DOCK9: variants seen among roughly 807,000 people sequenced by gnomAD.
The protein encoded by DOCK9 is dedicator of cytokinesis 9.
DOCK9 carries 89 observed loss-of-function variants against 263.3 expected under a neutral mutation model. The ratio of observed to expected loss-of-function variants is 0.34; its 90% CI spans 0.28 to 0.40. DOCK9 has a LOEUF of 0.40. DOCK9 is among the 10% of genes least tolerant of loss of function. The pLI, the probability that DOCK9 is intolerant of heterozygous loss-of-function variation, is 1.00. For missense variants in DOCK9, 2,140 were observed against 2,603.4 expected (o/e 0.82, Z 3.87); for synonymous variants, 976 against 973.1 (o/e 1.00, Z -0.06).
intron 2 of DOCK9, among the ~76,000 whole-genome samples, chr13:98,932,534 A>G (rs193302208): frequency 1.3e-5 from 2 of 152,366 alleles, no homozygotes; most frequent in East Asian, 3.9e-4. Flanking sequence ...CTGGGATCTC[A>G]CAGCATTGGT....
intron 1 of DOCK9, among the ~76,000 whole-genome samples, chr13:99,016,936 T>C (rs1308006317): frequency 6.6e-6 from 1 of 152,194 alleles, no homozygotes; most frequent in Non-Finnish European, 1.5e-5. Flanking sequence ...AGTAAAATCA[T>C]ACCTGTAGGG....
chr13:99,052,767 CTTT>C (rs538480665), intron 1 of DOCK9, among the ~76,000 whole-genome samples: 1 of 139,356 alleles, frequency 7.2e-6, no homozygotes. Context: ...CACCAGCCTT[CTTT>C]TTTTTTTTTT....
chr13:98,963,180 G>A (rs906047414), intron 1 of DOCK9, among the ~76,000 whole-genome samples: 3 of 152,236 alleles, frequency 2.0e-5, no homozygotes, highest in Non-Finnish European at 4.4e-5. Context: ...CCTCCCATGG[G>A]GGCCAGAAAG....
At chr13:98,971,737 G>A (rs1487082623) in intron 1 of DOCK9, among the ~76,000 whole-genome samples, 1 of 152,046 alleles carries the variant, frequency 6.6e-6, no homozygotes, top group Non-Finnish European at 1.5e-5. Context: ...GAGGAAAACG[G>A]GATGCCTGCA....
In DOCK9 at chr13:99,000,079, T is replaced by C. The variant is rs150930869; in HGVS notation, c.130-44528A>G. On this transcript the variant is annotated intron_variant, in intron 1 of 32. Coordinates refer to the DOCK9 transcript ENST00000427887. The stretch of plus-strand genomic sequence containing the variant: ...GCTCTGCCTGCCTTAATACTCAACC[T>C]ACCTGACCCCCTAAATCAGTTTGGT... Among the ~76,000 whole-genome samples the C allele has an allele frequency of 3.3e-5, 5 of 152,342 alleles. No homozygotes were observed. In the East Asian group the frequency reaches 7.7e-4, roughly 24 times the overall value.
At chr13:99,021,818 GGGGGACAA>G (rs946850104) in intron 1 of DOCK9, among the ~76,000 whole-genome samples, 11 of 152,154 alleles carry the variant, frequency 7.2e-5, no homozygotes, top group African/African-American at 2.4e-4. Flanking sequence ...GTCAAGGGGT[GGGGGACAA>G]GGGGAGTGAG....
rs147860282 is a variant in DOCK9, at chr13:98,907,534, T to G, written c.961-2828A>C. The stretch of plus-strand genomic sequence containing the variant: ...TACTAGCCAAAATAGACACAAAGCA[T>G]TCTGATTTTGTCACTAACACCCAAC... On this transcript the variant is annotated intron_variant, in intron 9 of 52. Transcript: ENST00000682017. Among the ~76,000 whole-genome samples the G allele has an allele frequency of 4.6e-3, 699 of 152,338 alleles. 2 individuals are homozygous for G. The highest frequency in any genetic ancestry group is 7.7e-3 in the Non-Finnish European group (522 of 68,034).
chr13:98,911,874 CT>C (rs368270696), intron 9 of DOCK9, among the ~76,000 whole-genome samples: 30 of 142,122 alleles, frequency 2.1e-4, no homozygotes, highest in African/African-American at 2.4e-4. Flanking sequence ...TAAAAAAACA[CT>C]TTTTTTTTTT....
chr13:98,877,623 A>T (rs2142479568), intron 27 of DOCK9, among the ~76,000 whole-genome samples: 1 of 152,194 alleles, frequency 6.6e-6, no homozygotes, highest in Middle Eastern at 3.4e-3. Context: ...AACCCACTGC[A>T]ACTGATGCCT....
In DOCK9 at chr13:98,831,253, G is replaced by A. The variant is rs2092750946; in HGVS notation, c.4635+95C>T. The A allele has an allele frequency of 3.7e-6, 5 of 1,340,632 alleles. No homozygotes were observed. The East Asian group carries it at 1.3e-4, about 34-fold the overall frequency. 83.0% of individuals were successfully genotyped at this position (1,340,632 alleles called of 1,614,324 possible). A position where few individuals can be genotyped will look rare whatever the true frequency, so the allele number is the denominator to read the frequency against. On this transcript the variant is annotated intron_variant, in intron 41 of 52. Transcript: ENST00000682017. ...TTTCCAGATCTTGCAGTATCTTTAT[G>A]ACAAGGTAAATTGGTTAATGTGATA...
At position 98,793,456 on chromosome 13, in the gene DOCK9, G is replaced by A. The variant is rs531470453; in HGVS notation, c.*1170C>T. Reference sequence around the variant, plus strand: ...TTTGGTATCCTGTTCCCTTAGGACTGCTGAACAATAAACACCCAGCAGCCA... The same window carrying A: ...TTTGGTATCCTGTTCCCTTAGGACTACTGAACAATAAACACCCAGCAGCCA... On this transcript the variant is annotated 3_prime_UTR_variant, in exon 53 of 53. Transcript: ENST00000682017. The A allele has an allele frequency of 6.6e-6, 1 of 152,412 alleles. No homozygotes were observed. Among genetic ancestry groups the A allele is most frequent in the Non-Finnish European group, 1.5e-5 (1 of 68,044 alleles). The allele number at this position is 152,412 out of a possible 1,614,324, so 9.4% of individuals were successfully genotyped here. A position where few individuals can be genotyped will look rare whatever the true frequency, so the allele number is the denominator to read the frequency against.
At position 98,921,002 on chromosome 13, in the gene DOCK9, T is replaced by G. The variant is rs2051887097; in HGVS notation, c.669A>C (p.Lys223Asn). 1 of 1,606,190 alleles carries G rather than the reference T, an allele frequency of 6.2e-7. No homozygotes were observed. Residue 223 changes from lysine to asparagine, a missense_variant, in exon 7 of 53, where the codon AAA (lysine) becomes AAC (asparagine). Lys to Asn is a moderately conservative substitution (Grantham distance 94). This residue lies in a region of DOCK9 where 1,521 missense variants were observed against 1,741.7 expected (regional missense o/e 0.87). Coordinates refer to ENST00000682017, the MANE Select transcript of DOCK9 (RefSeq NM_001366683.2). The part of the protein sequence containing the change: ...LNFYKDEKIS[K>N]EPKGSIFLDS... ...CCAGAAATATTGATCCTTTTGGTTC[T>G]TTGGAGATCTTTTCATCTTTATAAA...
chr13:98,809,268 CTTT>C, intron 47 of DOCK9, 81 bp downstream of exon 47: 1 of 1,309,144 alleles, frequency 7.6e-7, no homozygotes, highest in Non-Finnish European at 1.1e-6. Flanking sequence ...TAAGATATAA[CTTT>C]ATTATAGTTT....
intron 15 of DOCK9, 110 bp downstream of exon 15, chr13:98,897,378 A>G: frequency 7.4e-7 from 1 of 1,351,272 alleles, no homozygotes; most frequent in Non-Finnish European, 1.0e-6. Context: ...CTCATTTGCC[A>G]TCCCCTCTGA....
At chr13:98,958,779 A>G (rs2058342424) in intron 1 of DOCK9, among the ~76,000 whole-genome samples, 1 of 152,226 alleles carries the variant, frequency 6.6e-6, no homozygotes, top group African/African-American at 2.4e-5. Flanking sequence ...CTCTGGACAT[A>G]TAAGATACAG....
At chr13:98,823,988 C>T (rs564260889) in intron 45 of DOCK9, among the ~76,000 whole-genome samples, 1 of 152,254 alleles carries the variant, frequency 6.6e-6, no homozygotes, top group Non-Finnish European at 1.5e-5. Context: ...CCTCTCATGC[C>T]TTTGAGTTTG....
intron 45 of DOCK9, among the ~76,000 whole-genome samples, chr13:98,811,018 C>T (rs2091250234): frequency 6.6e-6 from 1 of 152,208 alleles, no homozygotes; most frequent in Non-Finnish European, 1.5e-5. Flanking sequence ...CTTGGCTGAG[C>T]TGGCATTCAT....
intron 1 of DOCK9, among the ~76,000 whole-genome samples, chr13:99,070,107 G>A (rs1437414354): frequency 7.2e-5 from 11 of 152,148 alleles, no homozygotes; most frequent in Admixed American, 7.2e-4. Context: ...TTTAATGCAG[G>A]GCTCTTAACT....
intron 1 of DOCK9, among the ~76,000 whole-genome samples, chr13:98,987,304 A>C (rs556968021): frequency 6.6e-6 from 1 of 152,182 alleles, no homozygotes; most frequent in Non-Finnish European, 1.5e-5. Flanking sequence ...TTTAAAAAGA[A>C]TTATACATGT....
Sources: gnomAD v4.1 joint callset for allele counts (sites outside exome capture counted in the v4.1 genomes callset) on GRCh38, gnomAD v4.1.1 for gene constraint, gnomAD v4.1.1 regional missense constraint, MANE v1.5 for transcripts, NCBI Gene and HGNC (gene_info 2026-07-23, HGNC 2026-07-21) for gene names.